The following SSRP1 variants were observed in gnomAD, a reference collection of about 807,000 sequenced individuals.
The protein encoded by SSRP1 is FACT complex subunit SSRP1.
In SSRP1, 21 loss-of-function variants were observed where a neutral mutation model predicts 84.4. The observed-to-expected ratio is 0.25, with a 90% CI of 0.18 to 0.36. SSRP1 has a LOEUF of 0.36. SSRP1 is among the 10% of genes least tolerant of loss of function. The pLI, the probability that SSRP1 is intolerant of heterozygous loss-of-function variation, is 1.00. For missense variants in SSRP1, 519 were observed against 900.8 expected, an observed-to-expected ratio of 0.58 and a Z score of 5.43; for synonymous variants, 319 against 318.3, an observed-to-expected ratio of 1.00 and a Z score of -0.02.
At chr11:57,329,691 C>A in intron 12 of SSRP1, 1 of 245,808 alleles carries the variant, frequency 4.1e-6, no homozygotes, top group Non-Finnish European at 7.9e-6. Context: ...ATTTCTGACA[C>A]TGCTAACAAA....
At chr11:57,329,898 G>A (rs1189618968) in intron 12 of SSRP1, 195 bp downstream of exon 12, 24 of 689,938 alleles carry the variant, frequency 3.5e-5, no homozygotes, top group East Asian at 2.7e-4. Flanking sequence ...ATACTTTTCC[G>A]ACTTCAAAAT....
chr11:57,326,397 TC>T lies in SSRP1; in HGVS notation c.*9del. 2.5e-6 allele frequency: 4 copies of T among 1,613,974 alleles called. No homozygotes were observed. The highest frequency in any genetic ancestry group is 3.4e-6 in the Non-Finnish European group (4 of 1,179,904). On this transcript the variant is annotated 3_prime_UTR_variant, in exon 17 of 17. Coordinates refer to ENST00000278412, the MANE Select transcript of SSRP1 (RefSeq NM_003146.3). ...GAGAAGGCAAGCGCAAAGAGAACCT[TC>T]CTCCGTTTCTACTCATCGGATCCTG...
chr11:57,328,395 T>A lies in SSRP1; in HGVS notation c.1513A>T (p.Ser505Cys). 3.7e-6 allele frequency: 6 copies of A among 1,614,208 alleles called. No individual in the cohort carries two copies. The highest frequency in any genetic ancestry group is 5.1e-6 in the Non-Finnish European group (6 of 1,180,036). ...FDSNASASSSSNEGDSDRDEK... is the reference protein window; with the variant it reads ...FDSNASASSSCNEGDSDRDEK... Reference sequence around the variant, plus strand: ...TCCCGGTCACTGTCACCCTCATTACTGGAGGAGCTGGCAGAGGCGTTGCTG... The same window carrying A: ...TCCCGGTCACTGTCACCCTCATTACAGGAGGAGCTGGCAGAGGCGTTGCTG... The change falls in exon 13 of 17, where the codon AGT becomes TGT. Residue 505 changes from serine (S) to cysteine (C), a missense_variant. Physicochemically the swap from Ser to Cys is moderately radical, Grantham distance 112. Transcript: ENST00000278412.
At position 57,326,195 on chromosome 11, in the gene SSRP1, A is replaced by C. The variant is rs141215789; in HGVS notation, c.*212T>G. ...CCTGCATTGCCCTGCCTCCCACCCT[A>C]TCTCTCCCCAAATTATAAACAGCCA... On this transcript the variant is annotated 3_prime_UTR_variant, in exon 17 of 17. Transcript: ENST00000278412. 378 of 599,580 alleles carry C rather than the reference A, an allele frequency of 6.3e-4. 3 individuals carry two copies. Among genetic ancestry groups the C allele is most frequent in the African/African-American group, 4.3e-3 (234 of 53,946 alleles). The allele number at this position is 599,580 out of a possible 1,614,324, so 37.1% of individuals were successfully genotyped here.
rs1334770031 is a variant in SSRP1 at position 57,326,686 on chromosome 11, C to T, written c.2058+17G>A. 1 of 1,611,072 alleles carries T rather than the reference C, an allele frequency of 6.2e-7. No individual in the cohort carries two copies. Among genetic ancestry groups the T allele is most frequent in the Non-Finnish European group, 8.5e-7 (1 of 1,178,132 alleles). ...CCTCACCCTGCCCAGCCCACAGGCC[C>T]CACATTCCTGCCGCACCTCGCTCCT... On this transcript the variant is annotated intron_variant, in intron 16 of 16. Transcript: ENST00000278412.
At chr11:57,331,183 C>T (rs1565053448) in intron 9 of SSRP1, among the ~76,000 whole-genome samples, 1 of 152,154 alleles carries the variant, frequency 6.6e-6, no homozygotes, top group East Asian at 1.9e-4. Flanking sequence ...CATCTGTTTA[C>T]AAAATAAGCT....
Position 57,334,556 on chromosome 11 carries a change from T to C in SSRP1, c.147A>G (p.Thr49=). 1 of 1,614,240 alleles carries C rather than the reference T, an allele frequency of 6.2e-7. No individual in the cohort carries two copies. The highest frequency in any genetic ancestry group is 8.5e-7 in the Non-Finnish European group (1 of 1,180,054). ...GAGCAACACGGCGCCAGATACCTTCTGTTAACTCCCCAGCCTGGATGTTGT... is the reference window on the plus strand; with the variant it reads ...GAGCAACACGGCGCCAGATACCTTCCGTTAACTCCCCAGCCTGGATGTTGT... ...KVDNIQAGEL[T]EGIWRRVALG... Residue 49 remains threonine (T), a synonymous_variant, in exon 3 of 17, where the codon ACA becomes ACG. Coordinates refer to ENST00000278412, the MANE Select transcript of SSRP1 (RefSeq NM_003146.3).
At position 57,330,904 on chromosome 11, in the gene SSRP1, TCAAA is replaced by T; in HGVS notation, c.1243_1246del (p.Phe415IlefsTer15). On this transcript the variant is annotated frameshift_variant, in exon 10 of 17. Coordinates refer to ENST00000278412, the MANE Select transcript of SSRP1 (RefSeq NM_003146.3). LOFTEE classifies it high-confidence loss of function. This position sits in a 1 kb window ranked among gnomAD's most constrained non-coding sequence, Gnocchi z 4.0. ...GTTGAGCTTTTTCGCGTTGACAAAATCAAACAGTTTCCCGTACTCCTCCCTGTGA... is the reference window on the plus strand; with the variant it reads ...GTTGAGCTTTTTCGCGTTGACAAAATCAGTTTCCCGTACTCCTCCCTGTGA... 1.2e-6 allele frequency: 2 copies of T among 1,614,130 alleles called. No individual in the cohort carries two copies. The highest frequency in any genetic ancestry group is 1.7e-6 in the Non-Finnish European group (2 of 1,180,032).
At position 57,326,361 on chromosome 11, in the gene SSRP1, TC is replaced by T; in HGVS notation, c.*45del. On this transcript the variant is annotated 3_prime_UTR_variant, in exon 17 of 17. Coordinates refer to ENST00000278412, the MANE Select transcript of SSRP1 (RefSeq NM_003146.3). ...CTGGTACCAAAATATGGGTGGGGAG[TC>T]GGGGGGTGTGAGAAGGCAAGCGCAA... 1 of 1,576,470 alleles carries T rather than the reference TC, an allele frequency of 6.3e-7. No individual in the cohort carries two copies. The highest frequency in any genetic ancestry group is 8.7e-7 in the Non-Finnish European group (1 of 1,147,748).
rs375739685 is a variant in SSRP1 at position 57,330,690 on chromosome 11, G to C, written c.1296+165C>G. On this transcript the variant is annotated intron_variant, in intron 10 of 16. Coordinates refer to ENST00000278412, the MANE Select transcript of SSRP1 (RefSeq NM_003146.3). The surrounding 1 kb of genome is among the most constrained non-coding windows in gnomAD (Gnocchi z 4.0). ...GCTGCATAGACTGGTCTAAGGTCAT[G>C]CAGAGGAAACCTGCACCAGGAGGGG... 3.4e-6 allele frequency: 5 copies of C among 1,478,280 alleles called. No homozygotes were observed. Among genetic ancestry groups the C allele is most frequent in the Non-Finnish European group, 4.5e-6 (5 of 1,118,728 alleles). 91.6% of individuals were successfully genotyped at this position (1,478,280 alleles called of 1,614,324 possible). A position where few individuals can be genotyped will look rare whatever the true frequency, so the allele number is the denominator to read the frequency against.
At chr11:57,333,615 T>A in intron 3 of SSRP1, 75 bp from the exon 4 acceptor site, 1 of 1,098,968 alleles carries the variant, frequency 9.1e-7, no homozygotes, top group African/African-American at 1.6e-5. Flanking sequence ...GTCCTGGGAT[T>A]ATCTATTTCT....
Position 57,326,460 on chromosome 11 carries a change from G to C in SSRP1, c.2077C>G (p.Leu693Val), listed in dbSNP as rs376345094. Reference protein sequence around the residue: ...RRSEDSEEEELASTPPSSEDS... With the variant: ...RRSEDSEEEEVASTPPSSEDS... ...TCTGAGCTGGGGGGAGTACTGGCTA[G>C]TTCTTCTTCTTCAGAGTCCTGAAAA... Residue 693 changes from leucine to valine, a missense_variant, in exon 17 of 17, where the codon CTA (leucine) becomes GTA (valine). This residue lies in a region of SSRP1 where 197 missense variants were observed against 265.0 expected (regional missense o/e 0.74). Transcript: ENST00000278412. 32 of 1,614,024 alleles carry C rather than the reference G, an allele frequency of 2.0e-5. No homozygotes were observed. The African/African-American group carries it at 3.2e-4, about 16-fold the overall frequency.
Position 57,332,041 on chromosome 11 carries a change from G to A in SSRP1, c.1001+111C>T, listed in dbSNP as rs1219964436. 2 of 1,564,798 alleles carry A rather than the reference G, an allele frequency of 1.3e-6. No individual in the cohort carries two copies. The highest frequency in any genetic ancestry group is 1.4e-5 in the African/African-American group (1 of 73,702). ...GCGCTGGCACCTATTGTGACACAAG[G>A]TCCCATCCAGGCCTCTAGGAGGCCG... On this transcript the variant is annotated intron_variant, in intron 8 of 16. Transcript: ENST00000278412. This position sits in a 1 kb window ranked among gnomAD's most constrained non-coding sequence, Gnocchi z 5.5.
At chr11:57,331,971 T>TA (rs1856101185) in intron 8 of SSRP1, 82 bp from the exon 9 acceptor site, 2 of 1,497,798 alleles carry the variant, frequency 1.3e-6, no homozygotes, top group Non-Finnish European at 1.8e-6. Flanking sequence ...ACACGAGTGC[T>TA]CATGTCCTCG....
In SSRP1 at chr11:57,326,877, C is replaced by G; in HGVS notation, c.1884G>C (p.Lys628Asn). Residue 628 changes from lysine (K) to asparagine (N), a missense_variant, in exon 16 of 17, where the codon AAG becomes AAC. This residue lies in a region of SSRP1 where 197 missense variants were observed against 265.0 expected (regional missense o/e 0.74). Transcript: ENST00000278412. Reference sequence around the variant, plus strand: ...TCTTTACCTTTACTTTCTTCTTCTTCTTTGACTTGTCCCTGTATTGGCAAG... The same window carrying G: ...TCTTTACCTTTACTTTCTTCTTCTTGTTTGACTTGTCCCTGTATTGGCAAG... Reference protein sequence around the residue: ...RGESSKRDKSKKKKKVKVKME... With the variant: ...RGESSKRDKSNKKKKVKVKME... 1.2e-6 allele frequency: 2 copies of G among 1,607,062 alleles called. No homozygotes were observed. The highest frequency in any genetic ancestry group is 1.7e-6 in the Non-Finnish European group (2 of 1,176,278).
intron 16 of SSRP1, 107 bp from the exon 17 acceptor site, chr11:57,326,585 CT>C: frequency 6.3e-7 from 1 of 1,590,606 alleles, no homozygotes; most frequent in South Asian, 1.1e-5. Flanking sequence ...CAGCACCCCC[CT>C]TCAGAACCTC....
rs1209890400 is a variant in SSRP1 at position 57,326,218 on chromosome 11, C to A, written c.*189G>T. ...CTATCTCTCCCCAAATTATAAACAGCCATCCTTGGGAAGCAGCAGAGTTAA... is the reference window on the plus strand; with the variant it reads ...CTATCTCTCCCCAAATTATAAACAGACATCCTTGGGAAGCAGCAGAGTTAA... On this transcript the variant is annotated 3_prime_UTR_variant, in exon 17 of 17. Coordinates refer to ENST00000278412, the MANE Select transcript of SSRP1 (RefSeq NM_003146.3). 1.1e-5 allele frequency: 7 copies of A among 612,842 alleles called. No homozygotes were observed. The Middle Eastern group carries it at 1.2e-3, about 103-fold the overall frequency. 38.0% of individuals were successfully genotyped at this position (612,842 alleles called of 1,614,324 possible).
At chr11:57,333,659 C>G (rs1856143625) in intron 3 of SSRP1, 119 bp from the exon 4 acceptor site, 1 of 719,506 alleles carries the variant, frequency 1.4e-6, no homozygotes, top group Admixed American at 2.3e-5. Flanking sequence ...TATAAGAAAT[C>G]CATGCTGACT....
Position 57,334,644 on chromosome 11 carries a change from T to C in SSRP1, c.59A>G (p.Asp20Gly). ...CTGACGGCTCAACCTCAGTCGACCA[T>C]CATTCTGTAAGAAAAGCAGGCCCAG... ...VYQEVKGSMN[D>G]GRLRLSRQGI... Residue 20 changes from aspartate to glycine, a missense_variant, in exon 3 of 17, where the codon GAT becomes GGT. Asp to Gly is a moderately conservative substitution (Grantham distance 94). Coordinates refer to ENST00000278412, the MANE Select transcript of SSRP1 (RefSeq NM_003146.3). 1.9e-6 allele frequency: 3 copies of C among 1,614,032 alleles called. No individual in the cohort carries two copies. Among genetic ancestry groups the C allele is most frequent in the Non-Finnish European group, 2.5e-6 (3 of 1,180,016 alleles).
Sources: gnomAD v4.1 joint callset for allele counts (sites outside exome capture counted in the v4.1 genomes callset) on GRCh38, gnomAD v4.1.1 for gene constraint, gnomAD v4.1.1 regional missense constraint, Gnocchi (gnomAD v3.1) non-coding constraint, MANE v1.5 for transcripts, NCBI Gene and HGNC (gene_info 2026-07-23, HGNC 2026-07-21) for gene names.